The following KCNIP4 variants were observed in gnomAD, a reference collection of about 807,000 sequenced individuals.
KCNIP4 encodes the protein potassium voltage-gated channel interacting protein 4, also known as Kv channel-interacting protein 4.
Under a neutral mutation model 34.0 loss-of-function variants are expected in KCNIP4, and 12 were observed. The observed-to-expected ratio is 0.35, with a 90% CI of 0.23 to 0.57. KCNIP4 has a LOEUF of 0.57. Ranked by LOEUF, KCNIP4 falls within the 20% of genes least tolerant of loss-of-function variation. The probability of loss-of-function intolerance (pLI) is 0.83; values close to 1 mark genes in which losing one functional copy is unlikely to be tolerated. For missense variants in KCNIP4, 238 were observed against 311.7 expected, an observed-to-expected ratio of 0.76 and a Z score of 1.78; for synonymous variants, 124 against 102.2, an observed-to-expected ratio of 1.21 and a Z score of -1.29.
intron 2 of KCNIP4, among the ~76,000 whole-genome samples, chr4:20,864,043 C>T (rs116738215): frequency 1.6e-3 from 155 of 95,760 alleles, no homozygotes; most frequent in Non-Finnish European, 2.1e-3. Flanking sequence ...TGTATGTATA[C>T]GCATGTATGT....
intron 1 of KCNIP4, among the ~76,000 whole-genome samples, chr4:21,766,083 T>C (rs959523824): frequency 6.6e-6 from 1 of 152,132 alleles, no homozygotes; most frequent in Non-Finnish European, 1.5e-5. Flanking sequence ...GAGTCAGGGC[T>C]CTTGAATTAC....
intron 1 of KCNIP4, among the ~76,000 whole-genome samples, chr4:21,027,924 T>A (rs1740690611): frequency 6.6e-6 from 1 of 152,130 alleles, no homozygotes; most frequent in South Asian, 2.1e-4. Context: ...CCTCTAAAAT[T>A]CCAGACAAAT....
intron 1 of KCNIP4, among the ~76,000 whole-genome samples, chr4:21,712,249 C>T (rs1475573806): frequency 2.0e-5 from 3 of 152,008 alleles, no homozygotes; most frequent in Non-Finnish European, 4.4e-5. Flanking sequence ...ATATTGGGTC[C>T]TAGATACCAT....
At chr4:21,690,501 G>A (rs1323633252) in intron 1 of KCNIP4, among the ~76,000 whole-genome samples, 1 of 151,986 alleles carries the variant, frequency 6.6e-6, no homozygotes, top group African/African-American at 2.4e-5. Context: ...AAAGAATCTG[G>A]GACCTCCTCT....
intron 1 of KCNIP4, among the ~76,000 whole-genome samples, chr4:21,433,400 G>A (rs777437548): frequency 2.0e-5 from 3 of 152,018 alleles, no homozygotes; most frequent in Non-Finnish European, 4.4e-5. Flanking sequence ...CCAGGAGTTC[G>A]AGGCCAGCCT....
At chr4:21,876,531 C>A (rs1726124437) in intron 1 of KCNIP4, among the ~76,000 whole-genome samples, 1 of 151,982 alleles carries the variant, frequency 6.6e-6, no homozygotes, top group African/African-American at 2.4e-5. Context: ...TCCCTTTCTC[C>A]AAGACTAAGT....
intron 5 of KCNIP4, among the ~76,000 whole-genome samples, chr4:20,748,179 G>A (rs1330868428): frequency 2.0e-5 from 3 of 152,110 alleles, no homozygotes; most frequent in African/African-American, 7.2e-5. Context: ...TCCTGCCTAA[G>A]ACATGTCAAC....
At chr4:21,045,911 C>A (rs141923243) in intron 1 of KCNIP4, among the ~76,000 whole-genome samples, 4 of 152,068 alleles carry the variant, frequency 2.6e-5, no homozygotes, top group Admixed American at 2.6e-4. Flanking sequence ...AAACTCAGAC[C>A]GATCCTGCCT....
At chr4:21,055,562 TACAG>T (rs1743330180) in intron 1 of KCNIP4, among the ~76,000 whole-genome samples, 1 of 152,154 alleles carries the variant, frequency 6.6e-6, no homozygotes, top group African/African-American at 2.4e-5. Flanking sequence ...AGGTGGTACA[TACAG>T]ACAATGAAAT....
chr4:21,834,123 G>T (rs1723170736), intron 1 of KCNIP4, among the ~76,000 whole-genome samples: 1 of 152,100 alleles, frequency 6.6e-6, no homozygotes, highest in African/African-American at 2.4e-5. Flanking sequence ...TTCCAATTCT[G>T]TGAAGAAAGT....
chr4:21,904,927 T>C (rs1386823929), intron 1 of KCNIP4, among the ~76,000 whole-genome samples: 2 of 152,168 alleles, frequency 1.3e-5, no homozygotes, highest in African/African-American at 2.4e-5. Context: ...GTAAAGTAAC[T>C]TGAAAATCAC....
intron 1 of KCNIP4, among the ~76,000 whole-genome samples, chr4:21,788,512 A>G (rs1393905614): frequency 6.6e-6 from 1 of 152,102 alleles, no homozygotes; most frequent in Non-Finnish European, 1.5e-5. Context: ...AAGATGGAAC[A>G]AGATGCATGC....
intron 1 of KCNIP4, among the ~76,000 whole-genome samples, chr4:21,862,858 G>C (rs1560770876): frequency 1.3e-5 from 2 of 151,982 alleles, no homozygotes; most frequent in Non-Finnish European, 2.9e-5. Context: ...CTACTCGGGA[G>C]GCTGAGGCAG....
At chr4:20,868,719 C>T (rs1723115278) in intron 2 of KCNIP4, among the ~76,000 whole-genome samples, 2 of 152,018 alleles carry the variant, frequency 1.3e-5, no homozygotes, top group South Asian at 4.1e-4. Flanking sequence ...GCCATAATCC[C>T]AAGCAAATTA....
chr4:20,982,246 G>C (rs976136830), intron 1 of KCNIP4, among the ~76,000 whole-genome samples: 3 of 152,258 alleles, frequency 2.0e-5, no homozygotes, highest in African/African-American at 7.2e-5. Flanking sequence ...CTGAAACCAA[G>C]TCAGCTCCAG....
intron 1 of KCNIP4, among the ~76,000 whole-genome samples, chr4:21,560,010 G>A (rs929741947): frequency 1.3e-5 from 2 of 151,814 alleles, no homozygotes; most frequent in Non-Finnish European, 2.9e-5. Context: ...ATTTTACTTT[G>A]ATTTTCCCCT....
At chr4:21,751,443 A>G (rs1717144771) in intron 1 of KCNIP4, among the ~76,000 whole-genome samples, 1 of 152,128 alleles carries the variant, frequency 6.6e-6, no homozygotes, top group Non-Finnish European at 1.5e-5. Flanking sequence ...TATATTCAAG[A>G]ATCTGCAGGA....
intron 1 of KCNIP4, among the ~76,000 whole-genome samples, chr4:21,605,957 A>G (rs1743616684): frequency 6.6e-6 from 1 of 152,206 alleles, no homozygotes; most frequent in African/African-American, 2.4e-5. Flanking sequence ...CTGTTGTCTT[A>G]GAAATGGTGG....
At chr4:20,966,750 T>C (rs1734386002) in intron 1 of KCNIP4, among the ~76,000 whole-genome samples, 1 of 152,216 alleles carries the variant, frequency 6.6e-6, no homozygotes, top group Middle Eastern at 3.2e-3. Flanking sequence ...TTGGGATTCT[T>C]CCTACCTATA....
Sources: allele counts gnomAD v4.1 joint callset (sites outside exome capture counted in the v4.1 genomes callset), GRCh38; gene constraint gnomAD v4.1.1; transcripts MANE v1.5; gene names NCBI Gene and HGNC (gene_info 2026-07-23, HGNC 2026-07-21).